The following GTF2E1 variants were observed in gnomAD, a reference collection of about 807,000 sequenced individuals.
The protein encoded by GTF2E1 is TFIIE alpha subunit.
Under a neutral mutation model 34.9 loss-of-function variants are expected in GTF2E1, and 14 were observed. That is an observed-to-expected ratio of 0.40 (90% CI 0.27 to 0.63). The LOEUF is 0.63. Among genes scored for constraint, GTF2E1 ranks in the 20% least tolerant of loss-of-function variants. GTF2E1 has a pLI of 0.39. For synonymous variants in GTF2E1, 188 were observed against 192.9 expected (o/e 0.97, Z 0.21); for missense variants, 469 against 557.7 (o/e 0.84, Z 1.60).
chr3:120,770,564 T>C (rs1371774430), intron 2 of GTF2E1, among the ~76,000 whole-genome samples, 164 bp from the exon 3 acceptor site: 1 of 152,196 alleles, frequency 6.6e-6, no homozygotes, highest in African/African-American at 2.4e-5. Flanking sequence ...AGCAAAATGC[T>C]AATTGTAGAA....
At chr3:120,745,196 C>T (rs1298976643) in intron 1 of GTF2E1, among the ~76,000 whole-genome samples, 4 of 152,312 alleles carry the variant, frequency 2.6e-5, no homozygotes, top group East Asian at 3.9e-4. Flanking sequence ...GCCACTGTAG[C>T]CACTGCACTT....
chr3:120,750,413 A>G, intron 1 of GTF2E1, 110 bp from the exon 2 acceptor site: 2 of 653,546 alleles, frequency 3.1e-6, no homozygotes, highest in Non-Finnish European at 2.7e-6. Flanking sequence ...ATGCTTAGGT[A>G]TTAGAAATCT....
chr3:120,742,789 G>A lies in GTF2E1; in HGVS notation c.-36G>A, dbSNP rs934997889. On this transcript the variant is annotated 5_prime_UTR_variant, in exon 1 of 5. Transcript: ENST00000283875. ...CTGTAGTGGGAGTGTTCCAGGATTC[G>A]CCTTGGTAAACCTTGTTCCCTGTTC... 5 of 495,654 alleles carry A rather than the reference G, an allele frequency of 1.0e-5. No individual in the cohort carries two copies. Among genetic ancestry groups the A allele is most frequent in the African/African-American group, 7.8e-5 (4 of 51,508 alleles). 30.7% of individuals were successfully genotyped at this position (495,654 alleles called of 1,614,324 possible). A position where few individuals can be genotyped will look rare whatever the true frequency, so the allele number is the denominator to read the frequency against.
chr3:120,774,489 G>A (rs2107612730), intron 3 of GTF2E1, among the ~76,000 whole-genome samples: 1 of 152,266 alleles, frequency 6.6e-6, no homozygotes, highest in South Asian at 2.1e-4. Context: ...AGAACAGATA[G>A]AAGATAGAGA....
intron 1 of GTF2E1, among the ~76,000 whole-genome samples, chr3:120,746,636 A>C (rs949852199): frequency 7.9e-5 from 12 of 152,118 alleles, no homozygotes; most frequent in Non-Finnish European, 7.4e-5. Context: ...CTGTCACTAC[A>C]AAAAACACAA....
chr3:120,744,607 A>G (rs1709089670), intron 1 of GTF2E1, among the ~76,000 whole-genome samples: 1 of 152,104 alleles, frequency 6.6e-6, no homozygotes, highest in Admixed American at 6.5e-5. Context: ...TCCTACTCTC[A>G]TATTCTGTAT....
At position 120,758,277 on chromosome 3, in the gene GTF2E1, CCCA is replaced by C. The variant is rs1195067491; in HGVS notation, c.448+7281_448+7283del. On this transcript the variant is annotated intron_variant, in intron 2 of 4. Coordinates refer to ENST00000283875, the MANE Select transcript of GTF2E1 (RefSeq NM_005513.3). The stretch of plus-strand genomic sequence containing the variant: ...CTGTGGCTTTTCCGCTCACTGCACT[CCCA>C]CCAATTTTCTCTGTCATAACAGAGA... Among the ~76,000 whole-genome samples the C allele has an allele frequency of 5.3e-5, 8 of 152,260 alleles. No homozygotes were observed. In the South Asian group the frequency reaches 1.5e-3, roughly 28 times the overall value.
At chr3:120,753,295 G>A (rs1709181479) in intron 2 of GTF2E1, among the ~76,000 whole-genome samples, 2 of 152,070 alleles carry the variant, frequency 1.3e-5, no homozygotes, top group Admixed American at 6.6e-5. Flanking sequence ...AATTTGGTGT[G>A]TGTAGTAAGG....
At chr3:120,753,296 T>C (rs777884446) in intron 2 of GTF2E1, among the ~76,000 whole-genome samples, 7 of 152,122 alleles carry the variant, frequency 4.6e-5, no homozygotes, top group South Asian at 2.1e-4. Context: ...ATTTGGTGTG[T>C]GTAGTAAGGA....
chr3:120,745,524 C>T (rs1197101523), intron 1 of GTF2E1, among the ~76,000 whole-genome samples: 1 of 152,148 alleles, frequency 6.6e-6, no homozygotes, highest in African/African-American at 2.4e-5. Flanking sequence ...TGCCCCAGAC[C>T]ACCTGAGACA....
chr3:120,752,792 C>A lies in GTF2E1; in HGVS notation c.448+1792C>A, dbSNP rs116123893. ...GTGTTGTGGCCAGTCTGAACAAAGA[C>A]TATTTTTAATGTGAGGGCTATGGTC... is the stretch of plus-strand genomic sequence containing the variant. On this transcript the variant is annotated intron_variant, in intron 2 of 4. Transcript: ENST00000283875. 1.6e-3 allele frequency among the ~76,000 whole-genome samples: 249 copies of A among 152,236 alleles called. 1 individual carries two copies. The highest frequency in any genetic ancestry group is 2.9e-3 in the Non-Finnish European group (198 of 68,000).
At chr3:120,753,732 C>T (rs1376935670) in intron 2 of GTF2E1, among the ~76,000 whole-genome samples, 2 of 152,152 alleles carry the variant, frequency 1.3e-5, no homozygotes, top group Admixed American at 6.5e-5. Context: ...CATAAGCCAC[C>T]GGTCTTCCTA....
chr3:120,745,550 G>A (rs182146619), intron 1 of GTF2E1, among the ~76,000 whole-genome samples: 1 of 152,222 alleles, frequency 6.6e-6, no homozygotes, highest in African/African-American at 2.4e-5. Flanking sequence ...TTTAGGAGTG[G>A]GGCCCAGGAT....
intron 3 of GTF2E1, among the ~76,000 whole-genome samples, chr3:120,773,038 A>C (rs1169529953): frequency 6.6e-6 from 1 of 152,142 alleles, no homozygotes; most frequent in Admixed American, 6.5e-5. Context: ...AGGATACCCA[A>C]AAATCTGGTC....
chr3:120,780,680 A>G (rs1338560865), intron 4 of GTF2E1, among the ~76,000 whole-genome samples: 1 of 152,208 alleles, frequency 6.6e-6, no homozygotes, highest in Non-Finnish European at 1.5e-5. Flanking sequence ...CTTCATAGAC[A>G]TTATCTTATA....
intron 4 of GTF2E1, among the ~76,000 whole-genome samples, chr3:120,779,095 A>C (rs1208114505): frequency 1.3e-5 from 2 of 152,148 alleles, no homozygotes; most frequent in African/African-American, 4.8e-5. Context: ...ACCATCCAGA[A>C]ATTTGCTCAT....
chr3:120,776,343 G>A, intron 3 of GTF2E1, 80 bp from the exon 4 acceptor site: 1 of 1,250,894 alleles, frequency 8.0e-7, no homozygotes. Flanking sequence ...TTCAGTAATT[G>A]CCTCCCTAGC....
At chr3:120,777,723 T>A (rs1174629585) in intron 4 of GTF2E1, among the ~76,000 whole-genome samples, 5 of 152,192 alleles carry the variant, frequency 3.3e-5, no homozygotes, top group Admixed American at 2.6e-4. Context: ...CCTCACTGAT[T>A]AGCCTGCCAT....
chr3:120,750,798 A>T lies in GTF2E1; in HGVS notation c.246A>T (p.Ala82=). The change falls in exon 2 of 5, where the codon GCA becomes GCT. Residue 82 remains alanine (A), a synonymous_variant. Transcript: ENST00000283875. Reference sequence around the variant, plus strand: ...GCAGAATGAGGGTAGAGACTGCTGCAGACGGGAAAACCACTCGCCATAACT... The same window carrying T: ...GCAGAATGAGGGTAGAGACTGCTGCTGACGGGAAAACCACTCGCCATAACT... ...IKCRMRVETA[A]DGKTTRHNYY... is the part of the protein sequence containing the mutation. The T allele has an allele frequency of 6.2e-7, 1 of 1,614,052 alleles. No homozygotes were observed. The highest frequency in any genetic ancestry group is 1.1e-5 in the South Asian group (1 of 91,080).
Sources: allele counts gnomAD v4.1 joint callset (sites outside exome capture counted in the v4.1 genomes callset), GRCh38; gene constraint gnomAD v4.1.1; transcripts MANE v1.5; gene names NCBI Gene and HGNC (gene_info 2026-07-23, HGNC 2026-07-21).